The following LCP2 variants were observed in gnomAD, a reference collection of about 807,000 sequenced individuals.
The protein encoded by LCP2 is lymphocyte cytosolic protein 2.
LCP2 carries 29 observed loss-of-function variants against 74.5 expected under a neutral mutation model. The observed-to-expected ratio is 0.39, with a 90% CI of 0.29 to 0.53. The LOEUF is 0.53. Ranked by LOEUF, LCP2 falls within the 20% of genes least tolerant of loss-of-function variation. LCP2 has a pLI of 0.72. For missense variants in LCP2, 604 were observed against 634.6 expected, an observed-to-expected ratio of 0.95 and a Z score of 0.52; for synonymous variants, 228 against 229.5, an observed-to-expected ratio of 0.99 and a Z score of 0.06.
intron 14 of LCP2, 145 bp downstream of exon 14, chr5:170,260,962 C>G (rs1761638639): frequency 4.6e-6 from 3 of 658,672 alleles, no homozygotes; most frequent in Non-Finnish European, 8.4e-6. Context: ...GACAGAGGCA[C>G]CAGCCCTTAA....
At position 170,256,855 on chromosome 5, in the gene LCP2, T is replaced by C. The variant is rs1282496826; in HGVS notation, c.1101-280A>G. Among the ~76,000 whole-genome samples the C allele has an allele frequency of 6.6e-6, 1 of 152,188 alleles. No homozygotes were observed. The highest frequency in any genetic ancestry group is 1.5e-5 in the Non-Finnish European group (1 of 68,034). ...GGGCACTTAACAGTTACTTTAAAAA[T>C]TGGCTGCAACTTGAGCTCTTTGAGT... On this transcript the variant is annotated intron_variant, in intron 16 of 20. Transcript: ENST00000046794. This position sits in a 1 kb window ranked among gnomAD's most constrained non-coding sequence, Gnocchi z 4.5.
rs1761814722 is a variant in LCP2, at chr5:170,268,478, C to T, written c.528G>A (p.Arg176=). Residue 176 remains arginine (R), a synonymous_variant, in exon 8 of 21, where the codon CGG becomes CGA. Transcript: ENST00000046794. ...FPNSNSMYID[R]PPSGKTPQQP... ...GCTGGGGGGTTTTCCCAGAGGGGGG[C>T]CGGTCTGTGGAAACACAAGGTTATT... 7.4e-6 allele frequency: 2 copies of T among 271,840 alleles called. No homozygotes were observed. The highest frequency in any genetic ancestry group is 7.1e-6 in the Non-Finnish European group (1 of 141,500). 16.8% of individuals were successfully genotyped at this position (271,840 alleles called of 1,614,324 possible).
At chr5:170,255,875 C>T (rs2113156258) in intron 17 of LCP2, among the ~76,000 whole-genome samples, 1 of 152,320 alleles carries the variant, frequency 6.6e-6, no homozygotes, top group African/African-American at 2.4e-5. Flanking sequence ...TAAGCGAATA[C>T]TAATCATGGA....
At chr5:170,289,671 T>TTC (rs1362284640) in intron 2 of LCP2, among the ~76,000 whole-genome samples, 5,543 of 83,646 alleles carry the variant, frequency 0.066, 183 homozygotes, top group Non-Finnish European at 0.094. Flanking sequence ...CTTTCTTTCT[T>TTC]TCTCTCTCTC....
chr5:170,294,758 G>C (rs1039908619), intron 1 of LCP2, among the ~76,000 whole-genome samples: 7 of 152,142 alleles, frequency 4.6e-5, no homozygotes, highest in Admixed American at 2.0e-4. Context: ...TACAGGCAGT[G>C]GGGGGTAAGT....
intron 7 of LCP2, chr5:170,270,426 A>G (rs1021977117): frequency 3.0e-6 from 1 of 335,816 alleles, no homozygotes; most frequent in Non-Finnish European, 5.3e-6. Flanking sequence ...CTTAGGTGGT[A>G]GTTCAATGCT....
At chr5:170,268,512 AG>A (rs938963525) in intron 7 of LCP2, 30 bp from the exon 8 acceptor site, 1 of 234,514 alleles carries the variant, frequency 4.3e-6, no homozygotes. Context: ...TTAAAGTGAA[AG>A]GGGAGTATCG....
intron 6 of LCP2, among the ~76,000 whole-genome samples, chr5:170,273,523 T>C (rs1761932685): frequency 6.6e-6 from 1 of 152,242 alleles, no homozygotes; most frequent in African/African-American, 2.4e-5. Context: ...AAGGCCCACG[T>C]GACTGAGGGT....
intron 6 of LCP2, among the ~76,000 whole-genome samples, chr5:170,272,908 G>A (rs913217497): frequency 5.3e-5 from 8 of 151,784 alleles, no homozygotes; most frequent in East Asian, 3.9e-4. Context: ...CACCGCACCC[G>A]GTTCAAATAT....
intron 6 of LCP2, among the ~76,000 whole-genome samples, chr5:170,271,394 G>C (rs917287740): frequency 6.6e-6 from 1 of 152,104 alleles, no homozygotes; most frequent in African/African-American, 2.4e-5. Flanking sequence ...CGGCTAAGGG[G>C]AAAAACAGAT....
At chr5:170,262,237 C>T (rs111689736) in intron 13 of LCP2, among the ~76,000 whole-genome samples, 3 of 152,072 alleles carry the variant, frequency 2.0e-5, no homozygotes, top group South Asian at 2.1e-4. Flanking sequence ...AAGACACTTG[C>T]GGTGACCTGA....
At chr5:170,255,893 AG>A (rs2113156293) in intron 17 of LCP2, among the ~76,000 whole-genome samples, 1 of 152,324 alleles carries the variant, frequency 6.6e-6, no homozygotes, top group Non-Finnish European at 1.5e-5. Context: ...GGACGTCCAG[AG>A]GTGGTATTAT....
chr5:170,292,151 C>T (rs1303211354), intron 2 of LCP2, among the ~76,000 whole-genome samples: 1 of 152,204 alleles, frequency 6.6e-6, no homozygotes, highest in African/African-American at 2.4e-5. Flanking sequence ...TCTATCCCCA[C>T]CACCTATAAT....
At chr5:170,295,950 G>A (rs776753283) in intron 1 of LCP2, among the ~76,000 whole-genome samples, 3 of 152,160 alleles carry the variant, frequency 2.0e-5, no homozygotes, top group Non-Finnish European at 4.4e-5. Context: ...CTGACCCGTG[G>A]TCCATCTCCC....
chr5:170,254,586 C>G lies in LCP2; in HGVS notation c.1151-1373G>C, dbSNP rs186850024. Among the ~76,000 whole-genome samples the G allele has an allele frequency of 6.8e-3, 1,039 of 152,266 alleles. 24 individuals are homozygous for G. Among genetic ancestry groups the G allele is most frequent in the Non-Finnish European group, 6.0e-3 (405 of 68,024 alleles). The stretch of plus-strand genomic sequence containing the variant: ...GTTCCCAGTGCCTAGACAGATCTTC[C>G]CCATCCCCATTTTTTTTGCAGTCCA... On this transcript the variant is annotated intron_variant, in intron 17 of 20. Coordinates refer to ENST00000046794, the MANE Select transcript of LCP2 (RefSeq NM_005565.5).
At chr5:170,268,523 G>T in intron 7 of LCP2, 41 bp from the exon 8 acceptor site, 1 of 223,252 alleles carries the variant, frequency 4.5e-6, no homozygotes, top group Non-Finnish European at 1.0e-5. Flanking sequence ...GGGGAGTATC[G>T]GCCAAGCTCA....
chr5:170,251,769 C>A (rs1475306338), intron 19 of LCP2: 19 of 396,584 alleles, frequency 4.8e-5, no homozygotes, highest in South Asian at 3.3e-4. Flanking sequence ...TGACACAGCA[C>A]CCCCAGAATA....
intron 2 of LCP2, among the ~76,000 whole-genome samples, chr5:170,289,611 CTTT>C (rs1762242499): frequency 1.4e-5 from 2 of 143,716 alleles, no homozygotes; most frequent in African/African-American, 2.7e-5. Context: ...TTCTTTCTTT[CTTT>C]CTTTTTCTTT....
chr5:170,275,237 G>A (rs1761987130), intron 5 of LCP2, 83 bp downstream of exon 5: 3 of 1,450,568 alleles, frequency 2.1e-6, no homozygotes, highest in African/African-American at 1.4e-5. Flanking sequence ...TGAACTCAAG[G>A]AGCCCCAGGA....
Sources: allele counts gnomAD v4.1 joint callset (sites outside exome capture counted in the v4.1 genomes callset), GRCh38; gene constraint gnomAD v4.1.1; non-coding constraint Gnocchi (gnomAD v3.1); transcripts MANE v1.5; gene names NCBI Gene and HGNC (gene_info 2026-07-23, HGNC 2026-07-21).